Variants in PCSK9 observed in about 807,000 individuals in gnomAD.
The protein encoded by PCSK9 is convertase subtilisin/kexin type 9 preproprotein.
A neutral mutation model predicts 62.1 loss-of-function variants in PCSK9; 57 were observed. The observed-to-expected ratio is 0.92, with a 90% CI of 0.74 to 1.14. The LOEUF (loss-of-function observed/expected upper bound fraction) is 1.14, where lower values mean the gene tolerates loss of function less well. PCSK9 is among the 50% of genes most tolerant of loss of function. PCSK9 has a pLI of 0.00. For missense variants in PCSK9, 870 were observed against 959.8 expected (o/e 0.91, Z 1.24); for synonymous variants, 387 against 409.4 (o/e 0.95, Z 0.66).
chr1:55,051,351 G>A, intron 3 of PCSK9: 1 of 367,160 alleles, frequency 2.7e-6, no homozygotes, highest in Non-Finnish European at 5.3e-6. Context: ...AGGGGTTCCA[G>A]GGCCAGGCCA....
Position 55,064,631 on chromosome 1 carries a change from A to G in PCSK9, c.*1047A>G, listed in dbSNP as rs1450393051. ...GGCCTGGCGGAGATGCTTCTAAGGC[A>G]TGGTCGGGGGAGAGGGCCAACAACT... On this transcript the variant is annotated 3_prime_UTR_variant, in exon 12 of 12. Coordinates refer to ENST00000302118, the MANE Select transcript of PCSK9 (RefSeq NM_174936.4). 6.6e-6 allele frequency: 1 copy of G among 152,176 alleles called. No homozygotes were observed. The highest frequency in any genetic ancestry group is 1.9e-4 in the East Asian group (1 of 5,184). The allele number at this position is 152,176 out of a possible 1,614,324, so 9.4% of individuals were successfully genotyped here.
chr1:55,056,949 A>G (rs1644720014), intron 6 of PCSK9, among the ~76,000 whole-genome samples: 1 of 152,166 alleles, frequency 6.6e-6, no homozygotes, highest in Non-Finnish European at 1.5e-5. Flanking sequence ...CTGGCCTATC[A>G]AGGCTTCCCT....
chr1:55,046,478 C>T, intron 2 of PCSK9, 45 bp from the exon 3 acceptor site: 1 of 1,614,084 alleles, frequency 6.2e-7, no homozygotes. Context: ...TTGCTGCTGT[C>T]CAAATGGCTT....
chr1:55,047,819 G>A (rs1644645054), intron 3 of PCSK9, among the ~76,000 whole-genome samples: 1 of 152,190 alleles, frequency 6.6e-6, no homozygotes, highest in African/African-American at 2.4e-5. Context: ...CTGTGGCCAG[G>A]GAGAGGACAG....
At chr1:55,045,032 T>A (rs1334547988) in intron 2 of PCSK9, among the ~76,000 whole-genome samples, 34 of 152,174 alleles carry the variant, frequency 2.2e-4, no homozygotes, top group Non-Finnish European at 8.8e-5. Context: ...GAGGCGAAGA[T>A]GACACAGCTC....
chr1:55,052,087 C>G, intron 3 of PCSK9, 191 bp from the exon 4 acceptor site: 1 of 823,204 alleles, frequency 1.2e-6, no homozygotes, highest in South Asian at 1.6e-5. Context: ...CTCTAGGCCT[C>G]CCTTTCCTTG....
chr1:55,041,356 C>G (rs116775212), intron 1 of PCSK9, among the ~76,000 whole-genome samples: 54 of 152,252 alleles, frequency 3.5e-4, no homozygotes, highest in African/African-American at 1.2e-3. Flanking sequence ...CTTCCTTGTT[C>G]CCTGAGCCTT....
intron 11 of PCSK9, among the ~76,000 whole-genome samples, chr1:55,062,922 T>A (rs969644170): frequency 3.3e-5 from 5 of 151,056 alleles, no homozygotes; most frequent in Non-Finnish European, 5.9e-5. Context: ...CGGTGGAGGG[T>A]CCAGGCGTTG....
chr1:55,040,363 T>C lies in PCSK9; in HGVS notation c.207+319T>C, dbSNP rs138234000. ...GGGCGAGCAGAGCACTGCCAGGATATCCTGCCCAGATTTCCCAGTTTCTGC... is the reference window on the plus strand; with the variant it reads ...GGGCGAGCAGAGCACTGCCAGGATACCCTGCCCAGATTTCCCAGTTTCTGC... On this transcript the variant is annotated intron_variant, in intron 1 of 11. Coordinates refer to ENST00000302118, the MANE Select transcript of PCSK9 (RefSeq NM_174936.4). The surrounding 1 kb of genome is among the most constrained non-coding windows in gnomAD (Gnocchi z 4.1). Among the ~76,000 whole-genome samples the C allele has an allele frequency of 1.3e-5, 2 of 152,294 alleles. No homozygotes were observed. Among genetic ancestry groups the C allele is most frequent in the East Asian group, 3.9e-4 (2 of 5,170 alleles).
chr1:55,062,956 G>A (rs12067569), intron 11 of PCSK9, among the ~76,000 whole-genome samples: 11,986 of 152,014 alleles, frequency 0.079, 827 homozygotes, highest in African/African-American at 0.19. Flanking sequence ...GCTGGAGTCT[G>A]AAGGGAGCCT....
Position 55,052,423 on chromosome 1 carries a change from C to T in PCSK9, c.657+12C>T, listed in dbSNP as rs28362242. 9.9e-6 allele frequency: 16 copies of T among 1,613,518 alleles called. No individual in the cohort carries two copies. Among genetic ancestry groups the T allele is most frequent in the South Asian group, 4.4e-5 (4 of 91,072 alleles). On this transcript the variant is annotated intron_variant, in intron 4 of 11. Coordinates refer to ENST00000302118, the MANE Select transcript of PCSK9 (RefSeq NM_174936.4). ...GCTTCCACAGACAGGTAAGCACGGC[C>T]GTCTGATGGGAGGGCTGCCTCTGCC...
intron 2 of PCSK9, among the ~76,000 whole-genome samples, chr1:55,045,618 C>G (rs1644628657): frequency 6.6e-6 from 1 of 152,032 alleles, no homozygotes; most frequent in African/African-American, 2.4e-5. Context: ...GAGAGGCTGC[C>G]TGTGGGGAAT....
At chr1:55,059,187 T>C (rs1033714452) in intron 9 of PCSK9, among the ~76,000 whole-genome samples, 1 of 152,168 alleles carries the variant, frequency 6.6e-6, no homozygotes, top group Admixed American at 6.5e-5. Context: ...AATGCTCGTG[T>C]GAGAGGCAGA....
Position 55,056,018 on chromosome 1 carries a change from G to T in PCSK9, c.825G>T (p.Gln275His). Residue 275 changes from glutamine to histidine, a missense_variant, in exon 6 of 12, where the codon CAG (glutamine) becomes CAT (histidine). Gln to His is a conservative substitution (Grantham distance 24). Transcript: ENST00000302118. ...GCCTGGAGTTTATTCGGAAAAGCCA[G>T]CTGGTCCAGCCTGTGGGGCCACTGG... ...LIGLEFIRKS[Q>H]LVQPVGPLVV... is the part of the protein sequence containing the mutation. 6.2e-7 allele frequency: 1 copy of T among 1,610,238 alleles called. No individual in the cohort carries two copies. The highest frequency in any genetic ancestry group is 1.1e-5 in the South Asian group (1 of 90,622).
chr1:55,041,185 C>G (rs547177570), intron 1 of PCSK9, among the ~76,000 whole-genome samples: 2 of 152,154 alleles, frequency 1.3e-5, no homozygotes, highest in African/African-American at 4.8e-5. Context: ...CAGTTTTGTC[C>G]CTGTCTGCAG....
Position 55,040,127 on chromosome 1 carries a change from C to T in PCSK9, c.207+83C>T, listed in dbSNP as rs1033480419. 1 of 1,493,898 alleles carries T rather than the reference C, an allele frequency of 6.7e-7. No individual in the cohort carries two copies. The highest frequency in any genetic ancestry group is 2.0e-5 in the Admixed American group (1 of 50,456). 92.5% of individuals were successfully genotyped at this position (1,493,898 alleles called of 1,614,324 possible). On this transcript the variant is annotated intron_variant, in intron 1 of 11. Coordinates refer to ENST00000302118, the MANE Select transcript of PCSK9 (RefSeq NM_174936.4). This position sits in a 1 kb window ranked among gnomAD's most constrained non-coding sequence, Gnocchi z 4.1. ...GTTTCCTCTCGGGCCTCAGTTTCCC[C>T]CCATGTAAGAGAGGAAGTGGAGTGC...
chr1:55,063,025 C>T (rs749789895), intron 11 of PCSK9, among the ~76,000 whole-genome samples: 28 of 151,970 alleles, frequency 1.8e-4, no homozygotes, highest in African/African-American at 6.8e-4. Context: ...AGGCTCGGGC[C>T]CCTGGACAGA....
Position 55,044,677 on chromosome 1 carries a change from C to T in PCSK9, c.399+643C>T, listed in dbSNP as rs138850707. ...CCTCTAACTTGATGAGAGCGTGTGTCATTTTCACACTGATTCTCCACATGG... is the reference window on the plus strand; with the variant it reads ...CCTCTAACTTGATGAGAGCGTGTGTTATTTTCACACTGATTCTCCACATGG... On this transcript the variant is annotated intron_variant, in intron 2 of 11. Coordinates refer to ENST00000302118, the MANE Select transcript of PCSK9 (RefSeq NM_174936.4). 7.9e-5 allele frequency among the ~76,000 whole-genome samples: 12 copies of T among 152,332 alleles called. No homozygotes were observed. The East Asian group carries it at 2.1e-3, about 27-fold the overall frequency.
chr1:55,055,060 T>C (rs1428661118), intron 5 of PCSK9, among the ~76,000 whole-genome samples: 4 of 150,076 alleles, frequency 2.7e-5, no homozygotes, highest in South Asian at 2.1e-4. Flanking sequence ...AGGTAGACCA[T>C]GGCCTGCACC....
Sources: allele counts gnomAD v4.1 joint callset (sites outside exome capture counted in the v4.1 genomes callset), GRCh38; gene constraint gnomAD v4.1.1; non-coding constraint Gnocchi (gnomAD v3.1); transcripts MANE v1.5; gene names NCBI Gene and HGNC (gene_info 2026-07-23, HGNC 2026-07-21).